Variants in DNMT1 observed in about 807,000 individuals in gnomAD.
The protein encoded by DNMT1 is DNA methyltransferase 1.
Under a neutral mutation model 205.3 loss-of-function variants are expected in DNMT1, and 24 were observed. The ratio of observed to expected loss-of-function variants is 0.12; its 90% CI spans 0.08 to 0.16. DNMT1 has a LOEUF of 0.16. Ranked by LOEUF, DNMT1 falls within the 10% of genes least tolerant of loss-of-function variation. The pLI, the probability that DNMT1 is intolerant of heterozygous loss-of-function variation, is 1.00. For synonymous variants in DNMT1, 817 were observed against 839.8 expected (o/e 0.97, Z 0.47); for missense variants, 1,293 against 2,177.7 (o/e 0.59, Z 8.09).
intron 13 of DNMT1, among the ~76,000 whole-genome samples, chr19:10,160,718 A>C (rs1400667619): frequency 6.6e-6 from 1 of 152,074 alleles, no homozygotes; most frequent in Non-Finnish European, 1.5e-5. Context: ...AACATGGCGA[A>C]ATCACGTCTC....
rs368761660 is a variant in DNMT1, at chr19:10,154,770, T to C, written c.1648A>G (p.Thr550Ala). 1 of 1,614,108 alleles carries C rather than the reference T, an allele frequency of 6.2e-7. No individual in the cohort carries two copies. The highest frequency in any genetic ancestry group is 8.5e-7 in the Non-Finnish European group (1 of 1,180,038). ...AAGTTGAGGCCAGAAGGAGGAACCG[T>C]GGTCTTGAAAGAGAACAGGTTTCTC... The part of the protein sequence containing the change: ...YEDLINKIET[T>A]VPPSGLNLNR... Residue 550 changes from threonine (T) to alanine (A), a missense_variant, in exon 21 of 41, where the codon ACG becomes GCG. Thr to Ala is a moderately conservative substitution (Grantham distance 58, BLOSUM62 0). This residue lies in a region of DNMT1 where 120 missense variants were observed against 315.9 expected (regional missense o/e 0.38). Transcript: ENST00000359526. This position sits in a 1 kb window ranked among gnomAD's most constrained non-coding sequence, Gnocchi z 6.3.
At position 10,156,360 on chromosome 19, in the gene DNMT1, G is replaced by A. The variant is rs1403577713; in HGVS notation, c.1399+31C>T. 5.8e-6 allele frequency: 9 copies of A among 1,556,132 alleles called. No individual in the cohort carries two copies. The highest frequency in any genetic ancestry group is 8.0e-6 in the Non-Finnish European group (9 of 1,129,370). The stretch of plus-strand genomic sequence containing the variant: ...CCCTGCCTGGCTGTTTTTAAAGTGT[G>A]CCCCAAACATAATCCCGGACTATTC... On this transcript the variant is annotated intron_variant, in intron 18 of 40. Coordinates refer to ENST00000359526, the MANE Select transcript of DNMT1 (RefSeq NM_001130823.3). The surrounding 1 kb of genome is among the most constrained non-coding windows in gnomAD (Gnocchi z 4.2).
At chr19:10,141,938 A>T in intron 30 of DNMT1, 90 bp downstream of exon 30, 1 of 1,493,934 alleles carries the variant, frequency 6.7e-7, no homozygotes, top group Non-Finnish European at 9.1e-7. Context: ...GAAACCCTGC[A>T]GCCAAGCCGC....
At chr19:10,168,202 G>T in intron 10 of DNMT1, 128 bp downstream of exon 10, 1 of 1,044,718 alleles carries the variant, frequency 9.6e-7, no homozygotes, top group Non-Finnish European at 1.5e-6. Flanking sequence ...TTCACAAGCA[G>T]AACTTGCCCA....
chr19:10,170,185 T>G (rs964312989), intron 9 of DNMT1, among the ~76,000 whole-genome samples: 1 of 151,830 alleles, frequency 6.6e-6, no homozygotes, highest in Non-Finnish European at 1.5e-5. Context: ...CTGGAGAGGC[T>G]GAGGCAGGAG....
Position 10,149,445 on chromosome 19 carries a change from G to A in DNMT1, c.2586+8C>T. The A allele has an allele frequency of 1.2e-6, 2 of 1,614,056 alleles. No homozygotes were observed. Among genetic ancestry groups the A allele is most frequent in the Non-Finnish European group, 1.7e-6 (2 of 1,179,992 alleles). ...GGCAGGGGCTCACGAGGGACACCAG[G>A]CACTCACCTCCATGGCCCAGTTTTC... On this transcript the variant is annotated splice_region_variant and intron_variant, in intron 26 of 40. Coordinates refer to ENST00000359526, the MANE Select transcript of DNMT1 (RefSeq NM_001130823.3).
At chr19:10,182,411 ATATGTGTATATATATG>A (rs2039071188) in intron 1 of DNMT1, among the ~76,000 whole-genome samples, 1 of 80,342 alleles carries the variant, frequency 1.2e-5, no homozygotes, top group African/African-American at 4.6e-5. Context: ...ATATACATAT[ATATGTGTATATATATG>A]TGTGTATATA....
At position 10,190,421 on chromosome 19, in the gene DNMT1, C is replaced by T. The variant is rs925702551; in HGVS notation, c.80+4399G>A. 3.9e-5 allele frequency among the ~76,000 whole-genome samples: 6 copies of T among 152,072 alleles called. No homozygotes were observed. In the South Asian group the frequency reaches 8.3e-4, roughly 21 times the overall value. ...CGGGATACACCGACAAAATTCAACA[C>T]TCTTTATTGTGGAGAAGCAAGCCTA... is the stretch of plus-strand genomic sequence containing the variant. On this transcript the variant is annotated intron_variant, in intron 1 of 40. Coordinates refer to ENST00000359526, the MANE Select transcript of DNMT1 (RefSeq NM_001130823.3).
chr19:10,150,292 C>T (rs2038310256), intron 24 of DNMT1, among the ~76,000 whole-genome samples: 1 of 152,236 alleles, frequency 6.6e-6, no homozygotes, highest in South Asian at 2.1e-4. Flanking sequence ...ACAGCCTGAA[C>T]CCTGACCCCT....
chr19:10,170,288 T>A (rs2038788398), intron 9 of DNMT1, among the ~76,000 whole-genome samples: 1 of 149,298 alleles, frequency 6.7e-6, no homozygotes, highest in African/African-American at 2.5e-5. Flanking sequence ...CCATCTCAAT[T>A]AAAAAAAAAG....
chr19:10,170,890 C>T (rs1031280470), intron 9 of DNMT1, among the ~76,000 whole-genome samples: 2 of 152,082 alleles, frequency 1.3e-5, no homozygotes, highest in South Asian at 4.1e-4. Flanking sequence ...GCCTCCTGAG[C>T]TCAAGTGATC....
intron 26 of DNMT1, 57 bp downstream of exon 26, chr19:10,149,396 G>A (rs1003959677): frequency 7.0e-6 from 11 of 1,572,266 alleles, no homozygotes; most frequent in South Asian, 5.5e-5. Context: ...CAGAACGCAC[G>A]TCAGCAGTGA....
Position 10,177,365 on chromosome 19 carries a change from C to T in DNMT1, c.496G>A (p.Glu166Lys). Residue 166 changes from glutamate (E) to lysine (K), a missense_variant and splice_region_variant, in exon 6 of 41, where the codon GAA (glutamate) becomes AAA (lysine). Coordinates refer to ENST00000359526, the MANE Select transcript of DNMT1 (RefSeq NM_001130823.3). ...SASQVTGIRA[E>K]PSPSPRITRK... ...GTAATCCTGGGGCTAGGTGAAGGTT[C>T]AGCTGTTTAAAGAAGAAAAAGCATT... The T allele has an allele frequency of 6.2e-7, 1 of 1,612,818 alleles. No individual in the cohort carries two copies. Among genetic ancestry groups the T allele is most frequent in the East Asian group, 2.2e-5 (1 of 44,870 alleles).
intron 1 of DNMT1, among the ~76,000 whole-genome samples, chr19:10,186,838 C>CAAAAAAAAAAAAAAAAAAAAAA (rs35238334): frequency 8.5e-5 from 6 of 70,686 alleles, no homozygotes; most frequent in African/African-American, 2.9e-4. Flanking sequence ...AACTCCGTCT[C>CAAAAAAAAAAAAAAAAAAAAAA]AAAAAAAAAA....
chr19:10,194,920 C>T lies in DNMT1; in HGVS notation c.-21G>A, dbSNP rs917071242. The T allele has an allele frequency of 1.9e-6, 3 of 1,596,768 alleles. No individual in the cohort carries two copies. The highest frequency in any genetic ancestry group is 1.3e-5 in the African/African-American group (1 of 74,264). ...GGCATCTCGGAGGCTTCAGCAGACG[C>T]GGCGGCGGCAGCGCAGGCGCCCCGG... On this transcript the variant is annotated 5_prime_UTR_variant, in exon 1 of 41. Transcript: ENST00000359526.
chr19:10,137,392 C>T lies in DNMT1; in HGVS notation c.4294-112G>A, dbSNP rs192224727. 1.3e-5 allele frequency: 17 copies of T among 1,333,242 alleles called. No individual in the cohort carries two copies. Among genetic ancestry groups the T allele is most frequent in the Middle Eastern group, 2.5e-4 (1 of 3,930 alleles). 82.6% of individuals were successfully genotyped at this position (1,333,242 alleles called of 1,614,324 possible). A position where few individuals can be genotyped will look rare whatever the true frequency, so the allele number is the denominator to read the frequency against. On this transcript the variant is annotated intron_variant, in intron 36 of 40. Transcript: ENST00000359526. This position sits in a 1 kb window ranked among gnomAD's most constrained non-coding sequence, Gnocchi z 6.4. ...TGACCAGGAAGCCCCCTGGGGCTCA[C>T]GCCCATCGGGAAAGAGACAGTCAGG...
intron 19 of DNMT1, among the ~76,000 whole-genome samples, chr19:10,155,331 C>A (rs2038433952): frequency 1.3e-5 from 2 of 151,636 alleles, no homozygotes; most frequent in African/African-American, 4.8e-5. Flanking sequence ...AAGAATAAGA[C>A]CTGCTCTTTT....
intron 22 of DNMT1, among the ~76,000 whole-genome samples, chr19:10,152,350 A>G (rs1269024962): frequency 6.6e-6 from 1 of 151,526 alleles, no homozygotes; most frequent in Admixed American, 6.6e-5. Context: ...TAGGCTGGGC[A>G]TGGTGGCTCA....
At chr19:10,144,571 G>C (rs143642346) in intron 28 of DNMT1, 1 of 173,544 alleles carries the variant, frequency 5.8e-6, no homozygotes, top group East Asian at 1.5e-4. Flanking sequence ...GGCATGTGAC[G>C]TGGGCAGAAG....
Sources: gnomAD v4.1 joint callset for allele counts (sites outside exome capture counted in the v4.1 genomes callset) on GRCh38, gnomAD v4.1.1 for gene constraint, gnomAD v4.1.1 regional missense constraint, Gnocchi (gnomAD v3.1) non-coding constraint, MANE v1.5 for transcripts, NCBI Gene and HGNC (gene_info 2026-07-23, HGNC 2026-07-21) for gene names.